Variants in HERC4 observed in about 807,000 individuals in gnomAD.
HERC4 encodes the protein probable E3 ubiquitin-protein ligase HERC4.
In HERC4, 28 loss-of-function variants were observed where a neutral mutation model predicts 124.3. That is an observed-to-expected ratio of 0.23 (90% CI 0.17 to 0.31). HERC4 has a LOEUF of 0.31. HERC4 is among the 10% of genes least tolerant of loss of function. The pLI, the probability that HERC4 is intolerant of heterozygous loss-of-function variation, is 1.00. For synonymous variants in HERC4, 407 were observed against 421.5 expected (o/e 0.97, Z 0.42); for missense variants, 713 against 1,229.3 (o/e 0.58, Z 6.28).
chr10:68,000,568 G>C (rs1194150583), intron 9 of HERC4, among the ~76,000 whole-genome samples: 1 of 128,180 alleles, frequency 7.8e-6, no homozygotes, highest in African/African-American at 2.6e-5. Context: ...GACAGAGCCA[G>C]ACTGTCTCAA....
intron 9 of HERC4, among the ~76,000 whole-genome samples, chr10:67,997,540 G>T (rs2036963693): frequency 6.6e-6 from 1 of 151,874 alleles, no homozygotes; most frequent in Admixed American, 6.6e-5. Context: ...TTTGATTTTT[G>T]CCTTCCTGTG....
intron 9 of HERC4, among the ~76,000 whole-genome samples, chr10:67,999,848 C>G (rs1413763739): frequency 6.6e-6 from 1 of 152,030 alleles, no homozygotes; most frequent in Non-Finnish European, 1.5e-5. Flanking sequence ...CACTGATGCC[C>G]AGAATTCCAT....
intron 16 of HERC4, chr10:67,959,225 A>C: frequency 2.4e-6 from 3 of 1,264,644 alleles, no homozygotes; most frequent in South Asian, 1.5e-5. Context: ...GTAGCATTTC[A>C]TATATTTTGC....
intron 15 of HERC4, among the ~76,000 whole-genome samples, chr10:67,973,593 A>T (rs2132534912): frequency 6.6e-6 from 1 of 152,314 alleles, no homozygotes; most frequent in East Asian, 1.9e-4. Flanking sequence ...AGAGTGAGGT[A>T]TAGTCAAGAA....
chr10:67,979,208 G>A (rs1010916784), intron 15 of HERC4, among the ~76,000 whole-genome samples: 4 of 152,010 alleles, frequency 2.6e-5, no homozygotes, highest in Non-Finnish European at 5.9e-5. Flanking sequence ...ATTCTAAATA[G>A]CTATTTTGAA....
intron 15 of HERC4, among the ~76,000 whole-genome samples, chr10:67,983,788 A>C (rs200619987): frequency 1.8e-3 from 236 of 129,058 alleles, no homozygotes; most frequent in East Asian, 0.012. Context: ...CTCTGTCTCA[A>C]AAAAAAAAAA....
intron 4 of HERC4, chr10:68,039,480 G>A (rs770403646): frequency 2.7e-4 from 421 of 1,550,520 alleles, no homozygotes; most frequent in Non-Finnish European, 3.5e-4. Flanking sequence ...CATGATTTTC[G>A]GGAAGCAGCT....
intron 11 of HERC4, among the ~76,000 whole-genome samples, chr10:67,991,661 A>T (rs1480146445): frequency 1.3e-5 from 2 of 152,206 alleles, no homozygotes; most frequent in Admixed American, 1.3e-4. Context: ...CAAAAAACAA[A>T]TAACATCTTA....
chr10:68,055,463 G>C (rs2040501957), intron 3 of HERC4, among the ~76,000 whole-genome samples: 1 of 152,010 alleles, frequency 6.6e-6, no homozygotes, highest in Non-Finnish European at 1.5e-5. Flanking sequence ...TGCATATGTT[G>C]ACAAGTTCAT....
chr10:68,002,398 A>T (rs1043282417), intron 9 of HERC4, among the ~76,000 whole-genome samples: 1 of 152,138 alleles, frequency 6.6e-6, no homozygotes, highest in Non-Finnish European at 1.5e-5. Context: ...TATGAAAAGA[A>T]GGACATTTTG....
intron 15 of HERC4, among the ~76,000 whole-genome samples, chr10:67,976,451 T>C (rs1463535729): frequency 6.6e-6 from 1 of 152,096 alleles, no homozygotes; most frequent in Non-Finnish European, 1.5e-5. Context: ...AATTTAAAAG[T>C]GAAACCACAG....
intron 3 of HERC4, among the ~76,000 whole-genome samples, chr10:68,058,480 C>T (rs1019877670): frequency 2.0e-5 from 3 of 152,152 alleles, no homozygotes; most frequent in Non-Finnish European, 2.9e-5. Flanking sequence ...ACCACATTAC[C>T]GTAAGGCAGA....
At chr10:68,053,343 G>A (rs868617678) in intron 3 of HERC4, among the ~76,000 whole-genome samples, 8 of 149,136 alleles carry the variant, frequency 5.4e-5, no homozygotes, top group Admixed American at 1.3e-4. Context: ...TCTCTCTGTC[G>A]CCCAGGATGG....
At chr10:68,069,563 A>T (rs2041466119) in intron 3 of HERC4, 1 of 985,320 alleles carries the variant, frequency 1.0e-6, no homozygotes, top group African/African-American at 1.7e-5. Flanking sequence ...TATTCACTAC[A>T]TTGTCAGGCC....
At chr10:68,048,925 G>A (rs952603730) in intron 3 of HERC4, among the ~76,000 whole-genome samples, 5 of 152,086 alleles carry the variant, frequency 3.3e-5, no homozygotes, top group African/African-American at 1.2e-4. Flanking sequence ...AGTTCATGGG[G>A]AAAAAGGCAC....
intron 3 of HERC4, among the ~76,000 whole-genome samples, chr10:68,051,503 C>T (rs983116082): frequency 6.6e-6 from 1 of 150,548 alleles, no homozygotes; most frequent in Admixed American, 6.6e-5. Context: ...CGCCACCATG[C>T]CCAGCTAGTT....
At chr10:67,935,292 C>T (rs2032256620) in intron 22 of HERC4, among the ~76,000 whole-genome samples, 1 of 152,000 alleles carries the variant, frequency 6.6e-6, no homozygotes, top group South Asian at 2.1e-4. Context: ...ACTACAGGCA[C>T]ATTCCACCAC....
intron 19 of HERC4, among the ~76,000 whole-genome samples, chr10:67,943,340 A>G (rs1012022369): frequency 1.8e-4 from 28 of 152,360 alleles, no homozygotes; most frequent in African/African-American, 6.3e-4. Flanking sequence ...AAAAAAGAGA[A>G]TAAGGGAGGT....
intron 3 of HERC4, among the ~76,000 whole-genome samples, chr10:68,058,028 C>A (rs1364628829): frequency 1.3e-5 from 2 of 152,062 alleles, no homozygotes; most frequent in African/African-American, 4.8e-5. Context: ...CATTAAATAA[C>A]CTTTTTAAAA....
Sources: gnomAD v4.1 joint callset for allele counts (sites outside exome capture counted in the v4.1 genomes callset) on GRCh38, gnomAD v4.1.1 for gene constraint, MANE v1.5 for transcripts, NCBI Gene and HGNC (gene_info 2026-07-23, HGNC 2026-07-21) for gene names.